Variants in GRM7 observed in about 807,000 individuals in gnomAD.
The protein encoded by GRM7 is metabotropic glutamate receptor 7.
Under a neutral mutation model 84.5 loss-of-function variants are expected in GRM7, and 35 were observed. That is an observed-to-expected ratio of 0.41 (90% CI 0.32 to 0.55). GRM7 has a LOEUF of 0.55. GRM7 is among the 20% of genes least tolerant of loss of function. GRM7 has a pLI of 0.19. For missense variants in GRM7, 1,003 were observed against 1,194.6 expected, an observed-to-expected ratio of 0.84 and a Z score of 2.36; for synonymous variants, 487 against 455.1, an observed-to-expected ratio of 1.07 and a Z score of -0.89.
chr3:7,556,356 T>A (rs1693757512), intron 7 of GRM7, among the ~76,000 whole-genome samples: 1 of 152,168 alleles, frequency 6.6e-6, no homozygotes, highest in South Asian at 2.1e-4. Flanking sequence ...GTAACCTCTA[T>A]GTTTTCATCA....
chr3:7,036,976 G>A (rs966155746), intron 1 of GRM7, among the ~76,000 whole-genome samples: 2 of 152,166 alleles, frequency 1.3e-5, no homozygotes, highest in African/African-American at 4.8e-5. Flanking sequence ...AGTGATTAAT[G>A]GATCAGCGGT....
intron 2 of GRM7, among the ~76,000 whole-genome samples, chr3:7,148,603 A>G (rs1694181107): frequency 6.6e-6 from 1 of 152,184 alleles, no homozygotes; most frequent in Admixed American, 6.5e-5. Flanking sequence ...GTCAATGGTG[A>G]CTTTCACATG....
At chr3:7,415,798 G>A (rs932491413) in intron 5 of GRM7, among the ~76,000 whole-genome samples, 4 of 152,124 alleles carry the variant, frequency 2.6e-5, no homozygotes, top group Admixed American at 1.3e-4. Context: ...CAAACTAAGT[G>A]AGAATCCTCC....
At chr3:7,704,934 G>A (rs554510483) in intron 9 of GRM7, among the ~76,000 whole-genome samples, 6 of 152,200 alleles carry the variant, frequency 3.9e-5, no homozygotes, top group Non-Finnish European at 4.4e-5. Flanking sequence ...TTAATTGTTC[G>A]CTTAACTATA....
At chr3:7,410,889 A>G (rs1695908151) in intron 4 of GRM7, among the ~76,000 whole-genome samples, 1 of 152,184 alleles carries the variant, frequency 6.6e-6, no homozygotes, top group Non-Finnish European at 1.5e-5. Flanking sequence ...TTGGTGCTTT[A>G]AAACAACAGA....
At position 7,486,451 on chromosome 3, in the gene GRM7, G is replaced by C. The variant is rs1699325869; in HGVS notation, c.1515+24729G>C. Among the ~76,000 whole-genome samples, 1 of 152,116 alleles carries C rather than the reference G, an allele frequency of 6.6e-6. No homozygotes were observed. The highest frequency in any genetic ancestry group is 2.4e-5 in the African/African-American group (1 of 41,410). On this transcript the variant is annotated intron_variant, in intron 7 of 9. Transcript: ENST00000357716. The surrounding 1 kb of genome is among the most constrained non-coding windows in gnomAD (Gnocchi z 5.5). ...GAGATGATACCATTGAGAGGCAATT[G>C]GGTCATAAAGCGTACTCCTTTATGA...
chr3:7,239,003 C>CTTT (rs1445171927), intron 2 of GRM7, among the ~76,000 whole-genome samples: 5 of 136,676 alleles, frequency 3.7e-5, no homozygotes, highest in East Asian at 2.1e-4. Flanking sequence ...TTTCCTTTTT[C>CTTT]TTTTTTTTGA....
At chr3:7,121,925 GT>G (rs570852950) in intron 1 of GRM7, among the ~76,000 whole-genome samples, 1 of 152,176 alleles carries the variant, frequency 6.6e-6, no homozygotes, top group Non-Finnish European at 1.5e-5. Flanking sequence ...GAGTGGGCTA[GT>G]TATCATGAGA....
intron 8 of GRM7, among the ~76,000 whole-genome samples, chr3:7,677,601 C>T (rs567972142): frequency 4.0e-4 from 61 of 152,206 alleles, no homozygotes; most frequent in African/African-American, 1.3e-3. Context: ...CACATACTTT[C>T]GAAGTGTCAC....
rs768329373 is a variant in GRM7 at position 7,579,325 on chromosome 3, A to G, written c.2419A>G (p.Ile807Val). The change falls in exon 8 of 10, where the codon ATT becomes GTT. Residue 807 changes from isoleucine to valine, a missense_variant. Physicochemically the swap from Ile to Val is conservative, Grantham distance 29 (BLOSUM62 3). Coordinates refer to ENST00000357716, the MANE Select transcript of GRM7 (RefSeq NM_000844.4). ...TCIVWLAFIP[I>V]FFGTAQSAEK... ...TATAGTATGGCTTGCCTTCATTCCA[A>G]TTTTTTTTGGCACCGCTCAATCAGC... 1.3e-5 allele frequency: 20 copies of G among 1,559,440 alleles called. No individual in the cohort carries two copies. Among genetic ancestry groups the G allele is most frequent in the South Asian group, 6.0e-5 (5 of 83,636 alleles).
At chr3:7,686,764 T>G (rs895196414) in intron 9 of GRM7, among the ~76,000 whole-genome samples, 1 of 152,152 alleles carries the variant, frequency 6.6e-6, no homozygotes, top group Admixed American at 6.5e-5. Context: ...GAAAAACTAT[T>G]TCTCAGTATT....
intron 1 of GRM7, among the ~76,000 whole-genome samples, chr3:7,040,271 C>T (rs1003442068): frequency 7.9e-5 from 12 of 152,026 alleles, no homozygotes; most frequent in African/African-American, 2.2e-4. Flanking sequence ...CAGTGGAGTG[C>T]GTTTCATGAT....
chr3:7,516,105 C>T (rs1485798532), intron 7 of GRM7, among the ~76,000 whole-genome samples: 1 of 139,542 alleles, frequency 7.2e-6, no homozygotes, highest in African/African-American at 2.7e-5. Flanking sequence ...GTAGAGCCCG[C>T]AGTGAGTGTG....
At chr3:7,172,434 C>T (rs1045960246) in intron 2 of GRM7, among the ~76,000 whole-genome samples, 1 of 152,096 alleles carries the variant, frequency 6.6e-6, no homozygotes, top group Non-Finnish European at 1.5e-5. Flanking sequence ...TGCCCATTTT[C>T]AAGAGCTGGA....
chr3:7,642,293 G>A (rs1162604619), intron 8 of GRM7, among the ~76,000 whole-genome samples: 1 of 152,084 alleles, frequency 6.6e-6, no homozygotes, highest in African/African-American at 2.4e-5. Context: ...GAGAGGGGTA[G>A]AGTTTGTATT....
chr3:7,213,307 C>T (rs1234562838), intron 2 of GRM7, among the ~76,000 whole-genome samples: 1 of 151,986 alleles, frequency 6.6e-6, no homozygotes, highest in Non-Finnish European at 1.5e-5. Flanking sequence ...GATAATCATG[C>T]CTTTCTTTCT....
At chr3:7,576,861 T>C (rs572052898) in intron 7 of GRM7, among the ~76,000 whole-genome samples, 2 of 152,290 alleles carry the variant, frequency 1.3e-5, no homozygotes, top group South Asian at 4.1e-4. Flanking sequence ...AACAATAAAC[T>C]TCAAAGTATT....
At chr3:7,320,091 CA>C (rs1235928354) in intron 4 of GRM7, among the ~76,000 whole-genome samples, 3 of 151,990 alleles carry the variant, frequency 2.0e-5, no homozygotes, top group Non-Finnish European at 2.9e-5. Context: ...ACAGTAAATA[CA>C]TTTTTTTCTA....
At chr3:6,870,018 CT>C (rs944557677) in intron 1 of GRM7, among the ~76,000 whole-genome samples, 9 of 149,642 alleles carry the variant, frequency 6.0e-5, no homozygotes, top group African/African-American at 9.8e-5. Flanking sequence ...CTTTCCTCTT[CT>C]TTTTTTTTTC....
Sources: gnomAD v4.1 joint callset for allele counts (sites outside exome capture counted in the v4.1 genomes callset) on GRCh38, gnomAD v4.1.1 for gene constraint, Gnocchi (gnomAD v3.1) non-coding constraint, MANE v1.5 for transcripts, NCBI Gene and HGNC (gene_info 2026-07-23, HGNC 2026-07-21) for gene names.